The following MCTP1 variants were observed in gnomAD, a reference collection of about 807,000 sequenced individuals.
The protein encoded by MCTP1 is multiple C2 and transmembrane domain containing 1, also known as multiple C2 and transmembrane domain-containing protein 1.
Under a neutral mutation model 120.6 loss-of-function variants are expected in MCTP1, and 69 were observed. That is an observed-to-expected ratio of 0.57 (90% CI 0.47 to 0.70). The LOEUF (loss-of-function observed/expected upper bound fraction) is 0.70. Ranked by LOEUF, MCTP1 falls within the 30% of genes least tolerant of loss-of-function variation. The pLI is 0.00. For synonymous variants in MCTP1, 529 were observed against 493.1 expected (o/e 1.07, Z -0.96); for missense variants, 1,203 against 1,248.8 (o/e 0.96, Z 0.55).
At position 94,977,404 on chromosome 5, in the gene MCTP1, A is replaced by G. The variant is rs988761812; in HGVS notation, c.839-24043T>C. Among the ~76,000 whole-genome samples, 33 of 152,224 alleles carry G rather than the reference A, an allele frequency of 2.2e-4. No homozygotes were observed. The Middle Eastern group carries it at 0.014, about 63-fold the overall frequency. On this transcript the variant is annotated intron_variant, in intron 2 of 22. Transcript: ENST00000515393. ...TAAAATGTACATACTACCCAAAGCAATCTATAGATTCAATGAAATCTCTAT... is the reference window on the plus strand; with the variant it reads ...TAAAATGTACATACTACCCAAAGCAGTCTATAGATTCAATGAAATCTCTAT...
intron 2 of MCTP1, among the ~76,000 whole-genome samples, chr5:94,985,950 T>A (rs1830352759): frequency 6.6e-6 from 1 of 152,230 alleles, no homozygotes; most frequent in Non-Finnish European, 1.5e-5. Context: ...GAGCTTTTCT[T>A]ACTTTTAAAA....
In MCTP1 at chr5:95,023,115, T is replaced by G. The variant is rs190373331; in HGVS notation, c.721-5631A>C. On this transcript the variant is annotated intron_variant, in intron 1 of 22. Transcript: ENST00000515393. ...AGACTGATATACAGTGAGGCCCAGC[T>G]AAGGAGGTTTCACTCTGTGGGCAAC... Among the ~76,000 whole-genome samples, 34 of 152,262 alleles carry G rather than the reference T, an allele frequency of 2.2e-4. No homozygotes were observed. In the East Asian group the frequency reaches 4.8e-3, roughly 22 times the overall value.
intron 1 of MCTP1, among the ~76,000 whole-genome samples, chr5:95,229,444 C>T (rs1027392660): frequency 1.4e-4 from 21 of 152,236 alleles, no homozygotes; most frequent in Admixed American, 3.3e-4. Flanking sequence ...CATTCCTTTC[C>T]TTGGGTCTTA....
At chr5:95,144,625 A>G (rs1277227231) in intron 1 of MCTP1, among the ~76,000 whole-genome samples, 3 of 152,074 alleles carry the variant, frequency 2.0e-5, no homozygotes, top group African/African-American at 7.2e-5. Context: ...TCTGCATAGG[A>G]CTAACCAGTT....
At chr5:95,029,666 C>T (rs1474488539) in intron 1 of MCTP1, among the ~76,000 whole-genome samples, 1 of 152,188 alleles carries the variant, frequency 6.6e-6, no homozygotes. Flanking sequence ...AATCTCCGGA[C>T]AGCCAGACTG....
chr5:94,906,218 C>T (rs1806869389), intron 10 of MCTP1, among the ~76,000 whole-genome samples: 1 of 152,086 alleles, frequency 6.6e-6, no homozygotes, highest in South Asian at 2.1e-4. Context: ...GGCGCAGTGG[C>T]TCACACCTGT....
At chr5:95,136,098 T>G (rs191808678) in intron 1 of MCTP1, among the ~76,000 whole-genome samples, 30 of 152,344 alleles carry the variant, frequency 2.0e-4, no homozygotes, top group African/African-American at 7.2e-4. Flanking sequence ...CCAGAACATT[T>G]AAGCACTTGC....
At chr5:94,834,616 G>A (rs1789284648) in intron 17 of MCTP1, among the ~76,000 whole-genome samples, 1 of 152,046 alleles carries the variant, frequency 6.6e-6, no homozygotes, top group African/African-American at 2.4e-5. Flanking sequence ...AGTAGGCAGT[G>A]GCAGGCCATT....
At chr5:95,188,241 A>G (rs958502513) in intron 1 of MCTP1, among the ~76,000 whole-genome samples, 2 of 152,240 alleles carry the variant, frequency 1.3e-5, no homozygotes, top group Non-Finnish European at 2.9e-5. Flanking sequence ...TAGCTCAGAT[A>G]AAAAAGAGTG....
chr5:95,209,948 T>G (rs980212005), intron 1 of MCTP1, among the ~76,000 whole-genome samples: 1 of 152,312 alleles, frequency 6.6e-6, no homozygotes, highest in Admixed American at 6.5e-5. Flanking sequence ...TCATTGAGGA[T>G]CAGGTTGTTC....
At chr5:95,197,815 A>G (rs932107195) in intron 1 of MCTP1, among the ~76,000 whole-genome samples, 3 of 152,182 alleles carry the variant, frequency 2.0e-5, no homozygotes, top group African/African-American at 7.2e-5. Flanking sequence ...TTCCTCCCAC[A>G]GATACCAAAA....
intron 17 of MCTP1, among the ~76,000 whole-genome samples, chr5:94,812,033 A>G (rs1783530382): frequency 6.6e-6 from 1 of 152,202 alleles, no homozygotes; most frequent in African/African-American, 2.4e-5. Context: ...CTGATGTACA[A>G]TTCTCAAGAA....
At chr5:94,745,888 C>T in intron 19 of MCTP1, among the ~76,000 whole-genome samples, 1 of 152,138 alleles carries the variant, frequency 6.6e-6, no homozygotes, top group African/African-American at 2.4e-5. Flanking sequence ...ATCATTTGGG[C>T]CCTAAGAACT....
chr5:94,773,143 G>C (rs1473541400), intron 19 of MCTP1, among the ~76,000 whole-genome samples: 1 of 152,118 alleles, frequency 6.6e-6, no homozygotes, highest in Non-Finnish European at 1.5e-5. Context: ...CTTATTATTT[G>C]CTCTTCTCCC....
chr5:95,275,722 T>C (rs575350118), intron 1 of MCTP1, among the ~76,000 whole-genome samples: 1 of 152,168 alleles, frequency 6.6e-6, no homozygotes, highest in African/African-American at 2.4e-5. Context: ...TTTACACTTA[T>C]AGCCCATCTC....
chr5:94,708,780 A>G (rs1755652359), intron 21 of MCTP1, 171 bp from the exon 22 acceptor site: 1 of 536,742 alleles, frequency 1.9e-6, no homozygotes, highest in Non-Finnish European at 3.4e-6. Flanking sequence ...TGCTTTTTTT[A>G]CTTGTACCTT....
At chr5:95,097,004 G>T (rs1756318895) in intron 1 of MCTP1, among the ~76,000 whole-genome samples, 1 of 152,132 alleles carries the variant, frequency 6.6e-6, no homozygotes, top group South Asian at 2.1e-4. Context: ...CACTGTAGTT[G>T]TTCAAACACA....
intron 1 of MCTP1, among the ~76,000 whole-genome samples, chr5:95,065,769 C>T (rs1389540382): frequency 6.6e-6 from 1 of 152,122 alleles, no homozygotes; most frequent in Non-Finnish European, 1.5e-5. Flanking sequence ...ATACAAAATA[C>T]ATGTTTCAAT....
chr5:95,188,029 A>G (rs1308572548), intron 1 of MCTP1, among the ~76,000 whole-genome samples: 2 of 152,312 alleles, frequency 1.3e-5, no homozygotes, highest in East Asian at 3.9e-4. Context: ...AAAAATTATT[A>G]AAAATTTTTA....
Sources: gnomAD v4.1 joint callset for allele counts (sites outside exome capture counted in the v4.1 genomes callset) on GRCh38, gnomAD v4.1.1 for gene constraint, MANE v1.5 for transcripts, NCBI Gene and HGNC (gene_info 2026-07-23, HGNC 2026-07-21) for gene names.